NPAS3: variants seen among roughly 807,000 people sequenced by gnomAD.
The protein encoded by NPAS3 is neuronal PAS domain-containing protein 3.
A neutral mutation model predicts 73.1 loss-of-function variants in NPAS3; 14 were observed. The observed-to-expected ratio is 0.19, with a 90% CI of 0.13 to 0.30. The LOEUF is 0.30. Ranked by LOEUF, NPAS3 falls within the 10% of genes least tolerant of loss-of-function variation. The pLI is 1.00. For synonymous variants in NPAS3, 620 were observed against 541.5 expected (o/e 1.14, Z -2.01); for missense variants, 1,096 against 1,250.0 (o/e 0.88, Z 1.86).
At chr14:33,709,837 C>A (rs2060766927) in intron 6 of NPAS3, among the ~76,000 whole-genome samples, 1 of 152,172 alleles carries the variant, frequency 6.6e-6, no homozygotes, top group Non-Finnish European at 1.5e-5. Context: ...AAATATCCCC[C>A]ATGCATGTAG....
chr14:33,281,081 C>A (rs542725416), intron 3 of NPAS3, among the ~76,000 whole-genome samples: 2 of 152,154 alleles, frequency 1.3e-5, no homozygotes, highest in Non-Finnish European at 2.9e-5. Context: ...CCTCTTCTTA[C>A]GGTAGTGAAG....
At chr14:32,940,890 T>C (rs1398347191) in intron 1 of NPAS3, among the ~76,000 whole-genome samples, 1 of 152,226 alleles carries the variant, frequency 6.6e-6, no homozygotes, top group African/African-American at 2.4e-5. Flanking sequence ...TTCTGAACTC[T>C]AGATGATTCT....
At chr14:33,724,805 A>T (rs2061218194) in intron 6 of NPAS3, among the ~76,000 whole-genome samples, 1 of 152,022 alleles carries the variant, frequency 6.6e-6, no homozygotes, top group Admixed American at 6.6e-5. Context: ...ATTAAATATT[A>T]CTGATAGACA....
At chr14:33,545,104 A>G (rs1470814690) in intron 4 of NPAS3, among the ~76,000 whole-genome samples, 1 of 151,806 alleles carries the variant, frequency 6.6e-6, no homozygotes, top group Non-Finnish European at 1.5e-5. Flanking sequence ...TCTCTCCCTT[A>G]AAATTGTTTG....
chr14:33,739,559 CTT>C (rs1469108640), intron 7 of NPAS3, among the ~76,000 whole-genome samples: 1 of 152,138 alleles, frequency 6.6e-6, no homozygotes, highest in African/African-American at 2.4e-5. Flanking sequence ...AGAAACTTCT[CTT>C]GTTACTAGAA....
At chr14:33,575,444 T>A (rs2056396757) in intron 5 of NPAS3, among the ~76,000 whole-genome samples, 1 of 152,218 alleles carries the variant, frequency 6.6e-6, no homozygotes, top group Admixed American at 6.5e-5. Flanking sequence ...TGAAGTAGTT[T>A]TGCCAGATCT....
At position 33,294,176 on chromosome 14, in the gene NPAS3, G is replaced by A. The variant is rs138272539; in HGVS notation, c.386-73010G>A. Among the ~76,000 whole-genome samples, 126 of 152,244 alleles carry A rather than the reference G, an allele frequency of 8.3e-4. 1 individual carries two copies. Among genetic ancestry groups the A allele is most frequent in the Non-Finnish European group, 6.9e-4 (47 of 68,012 alleles). On this transcript the variant is annotated intron_variant, in intron 3 of 11. Transcript: ENST00000356141. ...ATTGCATTTAAGCTATAGCCTAGAC[G>A]TATTACCTTGAAGCCATGGTCTTCC...
intron 7 of NPAS3, among the ~76,000 whole-genome samples, chr14:33,749,840 T>A (rs928337156): frequency 6.6e-6 from 1 of 151,964 alleles, no homozygotes; most frequent in South Asian, 2.1e-4. Context: ...TCCCACAGAG[T>A]GCTGACAGAT....
At chr14:33,727,575 C>G (rs2061302989) in intron 6 of NPAS3, among the ~76,000 whole-genome samples, 1 of 150,738 alleles carries the variant, frequency 6.6e-6, no homozygotes, top group African/African-American at 2.4e-5. Context: ...AGACTAAGTC[C>G]TGATGCCCTT....
At chr14:33,687,003 C>T (rs1419262405) in intron 6 of NPAS3, among the ~76,000 whole-genome samples, 2 of 152,084 alleles carry the variant, frequency 1.3e-5, no homozygotes, top group Admixed American at 1.3e-4. Flanking sequence ...TTTCTATAAC[C>T]CAGAAGTGAG....
At chr14:33,258,962 C>T (rs185583398) in intron 3 of NPAS3, among the ~76,000 whole-genome samples, 130 of 152,228 alleles carry the variant, frequency 8.5e-4, no homozygotes, top group African/African-American at 2.7e-3. Context: ...TACAGGCGCC[C>T]GCCACCATGC....
chr14:33,080,769 C>T (rs765851984), intron 2 of NPAS3, among the ~76,000 whole-genome samples: 5 of 152,166 alleles, frequency 3.3e-5, no homozygotes, highest in African/African-American at 7.2e-5. Flanking sequence ...CACAGGAAAG[C>T]GTGTAAGAGC....
At chr14:33,240,572 G>A (rs2048181636) in intron 3 of NPAS3, among the ~76,000 whole-genome samples, 1 of 151,604 alleles carries the variant, frequency 6.6e-6, no homozygotes, top group Admixed American at 6.6e-5. Context: ...TTTTTCTTCT[G>A]GTTAGTACTC....
intron 6 of NPAS3, among the ~76,000 whole-genome samples, chr14:33,725,311 CA>C (rs2061235334): frequency 6.6e-6 from 1 of 151,982 alleles, no homozygotes; most frequent in African/African-American, 2.4e-5. Context: ...GTTATTACCA[CA>C]TAGTAAGCTA....
intron 2 of NPAS3, among the ~76,000 whole-genome samples, chr14:33,073,954 G>T (rs1191771178): frequency 6.6e-6 from 1 of 152,204 alleles, no homozygotes; most frequent in Non-Finnish European, 1.5e-5. Flanking sequence ...GTGTGAACAT[G>T]GGGTGGGGTA....
At position 33,178,278 on chromosome 14, in the gene NPAS3, T is replaced by C. The variant is rs540135837; in HGVS notation, c.141-36904T>C. Among the ~76,000 whole-genome samples the C allele has an allele frequency of 3.3e-4, 50 of 152,160 alleles. 1 individual carries two copies. The East Asian group carries it at 9.5e-3, about 29-fold the overall frequency. ...TTAGCACAGATGGAGTTTCACCATG[T>C]TGGCCAGGATGGTCTCGATCTCTTG... On this transcript the variant is annotated intron_variant, in intron 2 of 11. Coordinates refer to ENST00000356141, the Ensembl canonical transcript of NPAS3.
At chr14:33,196,462 A>C (rs192242600) in intron 2 of NPAS3, among the ~76,000 whole-genome samples, 9 of 152,290 alleles carry the variant, frequency 5.9e-5, no homozygotes, top group Admixed American at 1.3e-4. Context: ...TGAGTAGTAG[A>C]GCTTCCTTGT....
intron 1 of NPAS3, among the ~76,000 whole-genome samples, chr14:32,957,322 ACTTAT>A (rs1450851257): frequency 6.6e-6 from 1 of 151,696 alleles, no homozygotes; most frequent in African/African-American, 2.4e-5. Flanking sequence ...TTAATTTGTA[ACTTAT>A]CTTTGATATC....
chr14:33,799,708 C>T, intron 11 of NPAS3, 26 bp from the exon 12 acceptor site: 1 of 1,548,520 alleles, frequency 6.5e-7, no homozygotes, highest in Non-Finnish European at 8.7e-7. Flanking sequence ...CCGCCCCCGC[C>T]ACCGCCGGCC....
Sources: allele counts gnomAD v4.1 joint callset (sites outside exome capture counted in the v4.1 genomes callset), GRCh38; gene constraint gnomAD v4.1.1; transcripts MANE v1.5; gene names NCBI Gene and HGNC (gene_info 2026-07-23, HGNC 2026-07-21).